Variants in DGKB observed in about 807,000 individuals in gnomAD.
DGKB encodes diacylglycerol kinase beta.
Under a neutral mutation model 114.3 loss-of-function variants are expected in DGKB, and 67 were observed. The ratio of observed to expected loss-of-function variants is 0.59; its 90% CI spans 0.48 to 0.72. The LOEUF is 0.72. Among genes scored for constraint, DGKB ranks in the 30% least tolerant of loss-of-function variants. The pLI is 0.00. For synonymous variants in DGKB, 398 were observed against 323.1 expected, an observed-to-expected ratio of 1.23 and a Z score of -2.49; for missense variants, 907 against 975.2, an observed-to-expected ratio of 0.93 and a Z score of 0.93.
chr7:14,147,977 C>A lies in DGKB; in HGVS notation c.*1154G>T, dbSNP rs1165300577. On this transcript the variant is annotated 3_prime_UTR_variant, in exon 26 of 26. Coordinates refer to ENST00000402815, the MANE Select transcript of DGKB (RefSeq NM_001350709.2). ...GGGAGCTAATTGCATGCATGATTCG[C>A]TTCCAAGAGCTCAGTATTATTACAG... The A allele has an allele frequency of 6.6e-6, 1 of 152,068 alleles. No individual in the cohort carries two copies. Among genetic ancestry groups the A allele is most frequent in the Non-Finnish European group, 1.5e-5 (1 of 67,982 alleles). 9.4% of individuals were successfully genotyped at this position (152,068 alleles called of 1,614,324 possible). A position where few individuals can be genotyped will look rare whatever the true frequency, so the allele number is the denominator to read the frequency against.
At chr7:14,598,203 G>T (rs1417024786) in intron 17 of DGKB, among the ~76,000 whole-genome samples, 1 of 152,104 alleles carries the variant, frequency 6.6e-6, no homozygotes, top group Non-Finnish European at 1.5e-5. Context: ...GCAACAAACA[G>T]ATGTTTCATT....
intron 2 of DGKB, among the ~76,000 whole-genome samples, chr7:14,768,572 A>T (rs557556398): frequency 1.4e-5 from 2 of 147,004 alleles, no homozygotes; most frequent in South Asian, 4.2e-4. Context: ...CAGTACCTCC[A>T]GTGATATTTG....
At chr7:14,510,302 G>C (rs1250947434) in intron 20 of DGKB, among the ~76,000 whole-genome samples, 1 of 152,120 alleles carries the variant, frequency 6.6e-6, no homozygotes, top group East Asian at 1.9e-4. Flanking sequence ...CTTAAATCTT[G>C]CTGCTGCTTT....
chr7:14,775,535 G>A (rs566488040), intron 2 of DGKB, among the ~76,000 whole-genome samples: 94 of 151,848 alleles, frequency 6.2e-4, no homozygotes, highest in African/African-American at 1.8e-3. Context: ...TTGTGGGAGC[G>A]ACCTAGTGGG....
chr7:14,453,501 C>T (rs578075814), intron 21 of DGKB, among the ~76,000 whole-genome samples: 6 of 152,088 alleles, frequency 3.9e-5, no homozygotes, highest in Non-Finnish European at 8.8e-5. Flanking sequence ...CTCAAAATTC[C>T]CATGCTACTT....
At chr7:14,189,097 A>C (rs1369817683) in intron 23 of DGKB, among the ~76,000 whole-genome samples, 1 of 152,218 alleles carries the variant, frequency 6.6e-6, no homozygotes, top group African/African-American at 2.4e-5. Flanking sequence ...TGAAAGTATA[A>C]AACTCACCGT....
At chr7:14,523,648 T>A (rs1003531238) in intron 20 of DGKB, among the ~76,000 whole-genome samples, 2 of 152,168 alleles carry the variant, frequency 1.3e-5, no homozygotes, top group Non-Finnish European at 2.9e-5. Context: ...TTGGAAATTG[T>A]TATATAATAC....
At chr7:14,919,095 A>AACACACACACACACACAC (rs3036019) in intron 1 of DGKB, among the ~76,000 whole-genome samples, 12 of 114,918 alleles carry the variant, frequency 1.0e-4, no homozygotes, top group African/African-American at 2.9e-4. Flanking sequence ...CACACACACA[A>AACACACACACACACACAC]ACACACACAC....
chr7:14,604,713 CA>C (rs1045120832), intron 17 of DGKB, among the ~76,000 whole-genome samples: 3 of 152,114 alleles, frequency 2.0e-5, no homozygotes, highest in Non-Finnish European at 2.9e-5. Flanking sequence ...TTAGCATGAT[CA>C]GGGGCAATAC....
chr7:14,839,530 T>C (rs4719427), intron 2 of DGKB, among the ~76,000 whole-genome samples: 115,389 of 150,964 alleles, frequency 0.76, 44,512 homozygotes, highest in South Asian at 0.82. Flanking sequence ...GCCTGCCAAG[T>C]AGCTGGGACT....
At position 14,219,307 on chromosome 7, in the gene DGKB, T is replaced by C. The variant is rs182297646; in HGVS notation, c.2123-41156A>G. ...CCTAAGATTGGAATTGCTGAGTCAA[T>C]GTTCTAAATCTATGTTTAGCCATTT... On this transcript the variant is annotated intron_variant, in intron 23 of 25. Coordinates refer to ENST00000402815, the MANE Select transcript of DGKB (RefSeq NM_001350709.2). Among the ~76,000 whole-genome samples, 9 of 151,990 alleles carry C rather than the reference T, an allele frequency of 5.9e-5. No individual in the cohort carries two copies. In the East Asian group the frequency reaches 1.6e-3, roughly 26 times the overall value.
At chr7:14,324,370 C>T (rs933974320) in intron 23 of DGKB, among the ~76,000 whole-genome samples, 14 of 151,076 alleles carry the variant, frequency 9.3e-5, no homozygotes, top group African/African-American at 3.4e-4. Flanking sequence ...TTGCTTGACC[C>T]CAGGAGGCAG....
At chr7:14,905,979 C>T (rs537796381), upstream of DGKB, among the ~76,000 whole-genome samples, 5 of 152,058 alleles carry the variant, frequency 3.3e-5, no homozygotes, top group Non-Finnish European at 7.4e-5. Context: ...TCTAAGTGTC[C>T]TTTCATATCT....
chr7:14,803,911 A>G (rs988960756), intron 2 of DGKB, among the ~76,000 whole-genome samples: 1 of 152,116 alleles, frequency 6.6e-6, no homozygotes, highest in Admixed American at 6.6e-5. Flanking sequence ...AGCATGCTTT[A>G]TTCAAAAATG....
intron 21 of DGKB, among the ~76,000 whole-genome samples, chr7:14,373,440 A>C: frequency 6.6e-6 from 1 of 152,168 alleles, no homozygotes; most frequent in East Asian, 1.9e-4. Flanking sequence ...AAAGTAAATA[A>C]AATTTTAAAA....
intron 13 of DGKB, among the ~76,000 whole-genome samples, chr7:14,657,631 A>G (rs576247621): frequency 6.6e-6 from 1 of 151,936 alleles, no homozygotes; most frequent in Non-Finnish European, 1.5e-5. Context: ...TGAAACAGCC[A>G]TAATGATGTG....
chr7:14,516,741 C>G (rs949086910), intron 20 of DGKB, among the ~76,000 whole-genome samples: 1 of 151,932 alleles, frequency 6.6e-6, no homozygotes, highest in African/African-American at 2.4e-5. Context: ...GAAACTTAGC[C>G]GAAGTAGTAT....
chr7:14,672,944 G>T lies in DGKB; in HGVS notation c.1119C>A (p.Ile373=). ...AAAAACTCACCAGTACCACTGGACA[G>T]ATTGTTGTGGGTGGTAAAATATGGT... ...LKDHILPPTT[I]CPVVLTLPTS... is the part of the protein sequence containing the mutation. Residue 373 remains isoleucine (I), a synonymous_variant, in exon 13 of 26, where the codon ATC becomes ATA. Coordinates refer to ENST00000402815, the MANE Select transcript of DGKB (RefSeq NM_001350709.2). 2 of 1,567,290 alleles carry T rather than the reference G, an allele frequency of 1.3e-6. No homozygotes were observed. Among genetic ancestry groups the T allele is most frequent in the Non-Finnish European group, 1.7e-6 (2 of 1,153,408 alleles).
intron 21 of DGKB, among the ~76,000 whole-genome samples, chr7:14,374,277 G>C (rs973805662): frequency 6.6e-6 from 1 of 152,164 alleles, no homozygotes; most frequent in Non-Finnish European, 1.5e-5. Flanking sequence ...TTTAGGAGGG[G>C]TTACCCCACT....
Sources: allele counts gnomAD v4.1 joint callset (sites outside exome capture counted in the v4.1 genomes callset), GRCh38; gene constraint gnomAD v4.1.1; transcripts MANE v1.5; gene names NCBI Gene and HGNC (gene_info 2026-07-23, HGNC 2026-07-21).